Variants in MID1 observed in about 807,000 individuals in gnomAD.
MID1 encodes midline 1.
MID1 carries 7 observed loss-of-function variants against 40.4 expected under a neutral mutation model. The observed-to-expected ratio is 0.17, with a 90% CI of 0.10 to 0.33. MID1 has a LOEUF of 0.33. MID1 is among the 10% of genes least tolerant of loss of function. The pLI is 1.00. For synonymous variants in MID1, 229 were observed against 221.2 expected (o/e 1.04, Z -0.31); for missense variants, 367 against 558.5 (o/e 0.66, Z 3.46).
At position 10,755,254 on chromosome X, in the gene MID1, C is replaced by T. The variant is rs752972386; in HGVS notation, c.-187+78300G>A. ...GATTCACGGAGAAGATTGCAGAAAA[C>T]AAAAATCTACCTCCCTCTCTAGAAC... On this transcript the variant is annotated intron_variant, in intron 1 of 10. Transcript: ENST00000380785. 1.3e-4 allele frequency among the ~76,000 whole-genome samples: 15 copies of T among 111,435 alleles called. 1 individual carries two copies. In the East Asian group the frequency reaches 4.2e-3, roughly 31 times the overall value.
At chrX:10,818,613 T>G (rs2044154749) in intron 1 of MID1, among the ~76,000 whole-genome samples, 1 of 111,921 alleles carries the variant, frequency 8.9e-6, no homozygotes, top group Admixed American at 9.5e-5. Flanking sequence ...AGCCTTTTGG[T>G]GGGCACCCTC....
At chrX:10,799,890 C>A (rs2043994014) in intron 1 of MID1, among the ~76,000 whole-genome samples, 1 of 105,156 alleles carries the variant, frequency 9.5e-6, no homozygotes. Flanking sequence ...TAGAAGTAGC[C>A]AAGCAGGGAT....
At chrX:10,654,872 T>C (rs934600646) in intron 1 of MID1, among the ~76,000 whole-genome samples, 1 of 112,505 alleles carries the variant, frequency 8.9e-6, no homozygotes, top group Non-Finnish European at 1.9e-5. Context: ...ATTCATTCAG[T>C]AATTCCACAA....
At chrX:10,729,750 C>T (rs2043427277) in intron 1 of MID1, among the ~76,000 whole-genome samples, 1 of 111,994 alleles carries the variant, frequency 8.9e-6, no homozygotes, top group South Asian at 3.7e-4. Flanking sequence ...TCTTTCATTT[C>T]TAGAAATGGT....
At chrX:10,587,496 A>G (rs765791536) in intron 1 of MID1, among the ~76,000 whole-genome samples, 1 of 112,522 alleles carries the variant, frequency 8.9e-6, no homozygotes, top group Admixed American at 9.3e-5. Context: ...GCTTGGCATG[A>G]CTTATTACTC....
At chrX:10,571,047 T>A (rs1405555183) in intron 1 of MID1, among the ~76,000 whole-genome samples, 1 of 112,403 alleles carries the variant, frequency 8.9e-6, no homozygotes, top group Non-Finnish European at 1.9e-5. Flanking sequence ...GAATCTGACA[T>A]CAATGGAAAT....
intron 2 of MID1, among the ~76,000 whole-genome samples, chrX:10,532,729 T>C (rs1452085990): frequency 9.0e-6 from 1 of 110,728 alleles, no homozygotes; most frequent in African/African-American, 3.3e-5. Context: ...TGGTCAAACC[T>C]TGCGTGCCGC....
chrX:10,628,082 T>TG (rs1217362602), intron 1 of MID1, among the ~76,000 whole-genome samples: 11 of 105,935 alleles, frequency 1.0e-4, no homozygotes, highest in Middle Eastern at 5.0e-3. Context: ...ATGGTGTGTG[T>TG]TTTTTTTTAA....
At chrX:10,572,446 G>A (rs1197044133) in intron 1 of MID1, among the ~76,000 whole-genome samples, 2 of 110,021 alleles carry the variant, frequency 1.8e-5, no homozygotes, top group Non-Finnish European at 3.8e-5. Flanking sequence ...ATCTACTCGG[G>A]AGGCTGAGGC....
chrX:10,636,905 T>C (rs1602487204), intron 1 of MID1, among the ~76,000 whole-genome samples: 2 of 102,695 alleles, frequency 1.9e-5, no homozygotes, highest in East Asian at 3.0e-4. Context: ...TGTGTGTGTG[T>C]GTGTGTGCAT....
At position 10,698,556 on chromosome X, in the gene MID1, C is replaced by A. The variant is rs184393089; in HGVS notation, c.-186-78137G>T. On this transcript the variant is annotated intron_variant, in intron 1 of 10. Coordinates refer to the MID1 transcript ENST00000380785. ...GTGATTCAGGAAGGGTAATGGAGCA[C>A]CATTTTATAGCCAGGGAATCAATAT... Among the ~76,000 whole-genome samples the A allele has an allele frequency of 5.1e-4, 56 of 110,091 alleles. No individual in the cohort carries two copies. The Middle Eastern group carries it at 0.014, about 27-fold the overall frequency.
chrX:10,462,988 G>T (rs1377411512), intron 7 of MID1, among the ~76,000 whole-genome samples: 2 of 111,643 alleles, frequency 1.8e-5, no homozygotes, highest in African/African-American at 3.2e-5. Flanking sequence ...AGCCATTAAG[G>T]CTTGAAAAAA....
Position 10,762,720 on chromosome X carries a change from C to T in MID1, c.-187+70834G>A, listed in dbSNP as rs192549852. On this transcript the variant is annotated intron_variant, in intron 1 of 10. Coordinates refer to the MID1 transcript ENST00000380785. ...AAAGTGCTAGGATTACAGGTGTGAG[C>T]CACTGTGCCTGGCCTCTAAACACAA... 5.4e-5 allele frequency among the ~76,000 whole-genome samples: 6 copies of T among 111,689 alleles called. No homozygotes were observed. In the East Asian group the frequency reaches 1.7e-3, roughly 31 times the overall value.
chrX:10,732,016 T>TA (rs2043453240), intron 1 of MID1, among the ~76,000 whole-genome samples: 1 of 86,603 alleles, frequency 1.2e-5, no homozygotes, highest in South Asian at 5.6e-4. Flanking sequence ...CTCAATGATA[T>TA]AAAACTCTCT....
chrX:10,517,754 G>GTCCCC (rs2147359658), intron 3 of MID1, among the ~76,000 whole-genome samples: 1 of 112,204 alleles, frequency 8.9e-6, no homozygotes, highest in South Asian at 3.7e-4. Context: ...GGCAAGCAGT[G>GTCCCC]CTGCTTCCAT....
chrX:10,741,185 G>A (rs1410697116), intron 1 of MID1, among the ~76,000 whole-genome samples: 1 of 112,095 alleles, frequency 8.9e-6, no homozygotes, highest in Non-Finnish European at 1.9e-5. Context: ...TTTGCTGATA[G>A]GACATTAGAA....
intron 1 of MID1, among the ~76,000 whole-genome samples, chrX:10,639,095 C>A (rs890381848): frequency 8.9e-6 from 1 of 112,427 alleles, no homozygotes; most frequent in African/African-American, 3.2e-5. Flanking sequence ...AAAACCAGCA[C>A]ACGTCTTCTC....
intron 1 of MID1, among the ~76,000 whole-genome samples, chrX:10,743,523 A>T (rs1391707922): frequency 1.8e-5 from 2 of 111,942 alleles, no homozygotes; most frequent in Admixed American, 9.5e-5. Context: ...GGAGTTATTT[A>T]TTCACATGTA....
At chrX:10,490,893 G>A (rs1301386415) in intron 4 of MID1, among the ~76,000 whole-genome samples, 1 of 111,663 alleles carries the variant, frequency 9.0e-6, no homozygotes, top group East Asian at 2.8e-4. Context: ...GTTTATTCAG[G>A]TTTTCCGCTA....
Sources: allele counts gnomAD v4.1 joint callset (sites outside exome capture counted in the v4.1 genomes callset), GRCh38; gene constraint gnomAD v4.1.1; transcripts MANE v1.5; gene names NCBI Gene and HGNC (gene_info 2026-07-23, HGNC 2026-07-21).